Variants in EXOC4 observed in about 807,000 individuals in gnomAD.
EXOC4 encodes the protein exocyst complex component 4, also known as SEC8-like 1.
In EXOC4, 71 loss-of-function variants were observed where a neutral mutation model predicts 107.2. The observed-to-expected ratio is 0.66, with a 90% CI of 0.55 to 0.81. The LOEUF is 0.81. EXOC4 is among the 30% of genes least tolerant of loss of function. The pLI is 0.00. For missense variants in EXOC4, 1,108 were observed against 1,189.6 expected (o/e 0.93, Z 1.01); for synonymous variants, 456 against 441.2 (o/e 1.03, Z -0.42).
chr7:133,942,014 C>G (rs982753749), intron 14 of EXOC4, among the ~76,000 whole-genome samples: 3 of 152,024 alleles, frequency 2.0e-5, no homozygotes, highest in Non-Finnish European at 2.9e-5. Flanking sequence ...AATATATGAC[C>G]TACATAAAAA....
chr7:133,633,962 C>G (rs937909229), intron 10 of EXOC4, among the ~76,000 whole-genome samples: 2 of 152,060 alleles, frequency 1.3e-5, no homozygotes, highest in Non-Finnish European at 2.9e-5. Context: ...GTTCTATGCA[C>G]TTCATTTATT....
intron 11 of EXOC4, among the ~76,000 whole-genome samples, chr7:133,839,151 G>A (rs139585904): frequency 6.6e-6 from 1 of 152,280 alleles, no homozygotes; most frequent in Non-Finnish European, 1.5e-5. Context: ...TAATGGCTTA[G>A]CTCTATTGTG....
chr7:133,919,561 T>C (rs1799891770), intron 13 of EXOC4, among the ~76,000 whole-genome samples: 1 of 152,190 alleles, frequency 6.6e-6, no homozygotes, highest in Non-Finnish European at 1.5e-5. Context: ...CCTGAACCCC[T>C]GGCAACCACT....
In EXOC4 at chr7:133,658,053, C is replaced by A. The variant is rs536448111; in HGVS notation, c.1514+27912C>A. On this transcript the variant is annotated intron_variant, in intron 10 of 17. Coordinates refer to ENST00000253861, the MANE Select transcript of EXOC4 (RefSeq NM_021807.4). ...GAGTAATCTAACTCTACCTTTAGGG[C>A]AGGGAAATCCTCCTAAAATAGGAGA... is the stretch of plus-strand genomic sequence containing the variant. Among the ~76,000 whole-genome samples the A allele has an allele frequency of 3.3e-5, 5 of 152,194 alleles. No homozygotes were observed. In the East Asian group the frequency reaches 9.7e-4, roughly 29 times the overall value.
At chr7:133,705,460 A>G (rs1185384557) in intron 10 of EXOC4, among the ~76,000 whole-genome samples, 1 of 152,210 alleles carries the variant, frequency 6.6e-6, no homozygotes, top group Admixed American at 6.5e-5. Context: ...TCTAGTAGAA[A>G]CTATAGTTAC....
intron 17 of EXOC4, among the ~76,000 whole-genome samples, chr7:134,023,011 TTAA>T (rs1221794782): frequency 6.6e-6 from 1 of 152,234 alleles, no homozygotes; most frequent in African/African-American, 2.4e-5. Context: ...CCATTCGATG[TTAA>T]CCTCTTTCTT....
chr7:133,543,708 T>C lies in EXOC4; in HGVS notation c.1417+63570T>C, dbSNP rs979661831. Among the ~76,000 whole-genome samples the C allele has an allele frequency of 4.8e-5, 6 of 125,592 alleles. No homozygotes were observed. In the East Asian group the frequency reaches 1.5e-3, roughly 31 times the overall value. 82.4% of individuals were successfully genotyped at this position (125,592 alleles called of 152,430 possible). On this transcript the variant is annotated intron_variant, in intron 9 of 17. Coordinates refer to ENST00000253861, the MANE Select transcript of EXOC4 (RefSeq NM_021807.4). ...GTGTGAGATTATAAAACGAACCTGC[T>C]GCTAGAAGTGTGCTTGTCACTTCTC...
rs180834343 is a variant in EXOC4, at chr7:133,330,253, A to G, written c.763+12863A>G. On this transcript the variant is annotated intron_variant, in intron 5 of 17. Transcript: ENST00000253861. ...AAAACCTCCTATTCAAGCCTCAGCA[A>G]TGGCAGACGCCCCTCCCCCCACCAA... is the stretch of plus-strand genomic sequence containing the variant. Among the ~76,000 whole-genome samples the G allele has an allele frequency of 3.5e-3, 532 of 152,174 alleles. 3 individuals are homozygous for G. Among genetic ancestry groups the G allele is most frequent in the Middle Eastern group, 6.8e-3 (2 of 294 alleles).
chr7:133,603,581 G>A (rs148150638), intron 9 of EXOC4, among the ~76,000 whole-genome samples: 134 of 152,278 alleles, frequency 8.8e-4, no homozygotes, highest in African/African-American at 3.1e-3. Flanking sequence ...TGTACTACAT[G>A]CACAACGTGT....
intron 10 of EXOC4, among the ~76,000 whole-genome samples, chr7:133,722,066 C>T (rs1795114969): frequency 6.6e-6 from 1 of 152,134 alleles, no homozygotes; most frequent in African/African-American, 2.4e-5. Flanking sequence ...AAGTTATATA[C>T]CTGATGCAAT....
chr7:133,539,527 A>G (rs951866023), intron 9 of EXOC4, among the ~76,000 whole-genome samples: 48 of 151,506 alleles, frequency 3.2e-4, no homozygotes, highest in African/African-American at 1.1e-3. Flanking sequence ...ATTCTCTTCC[A>G]TGTTGATTTA....
At chr7:133,381,718 C>T (rs1796622702) in intron 7 of EXOC4, among the ~76,000 whole-genome samples, 1 of 152,114 alleles carries the variant, frequency 6.6e-6, no homozygotes, top group African/African-American at 2.4e-5. Flanking sequence ...ACACATTTGA[C>T]TTATCTAGGG....
rs1563107458 is a variant in EXOC4 at position 133,558,221 on chromosome 7, CTT to C, written c.1418-71821_1418-71820del. Among the ~76,000 whole-genome samples, 82 of 99,702 alleles carry C rather than the reference CTT, an allele frequency of 8.2e-4. 1 individual carries two copies. The East Asian group carries it at 0.017, about 21-fold the overall frequency. 65.4% of individuals were successfully genotyped at this position (99,702 alleles called of 152,430 possible). ...CTTTTCTTTTCTTTTCTTTTCTTTT[CTT>C]TTCTTTTCTTTTCTTTTCTTTTCTT... is the stretch of plus-strand genomic sequence containing the variant. On this transcript the variant is annotated intron_variant, in intron 9 of 17. Coordinates refer to ENST00000253861, the MANE Select transcript of EXOC4 (RefSeq NM_021807.4).
chr7:133,765,976 T>G (rs1796127015), intron 10 of EXOC4, among the ~76,000 whole-genome samples: 1 of 151,972 alleles, frequency 6.6e-6, no homozygotes, highest in Non-Finnish European at 1.5e-5. Flanking sequence ...GAGATAGAGC[T>G]CCATAAAACG....
intron 5 of EXOC4, among the ~76,000 whole-genome samples, chr7:133,332,102 G>A (rs1043621231): frequency 2.0e-5 from 3 of 152,146 alleles, no homozygotes; most frequent in African/African-American, 7.2e-5. Context: ...GTTACTCCCA[G>A]GGAACACAGG....
chr7:133,313,150 T>A (rs1794913799), intron 4 of EXOC4, among the ~76,000 whole-genome samples: 1 of 151,598 alleles, frequency 6.6e-6, no homozygotes, highest in Non-Finnish European at 1.5e-5. Context: ...TTGTTTTTTT[T>A]TTTTTTCCCT....
chr7:133,307,673 G>A (rs117451970), intron 4 of EXOC4, among the ~76,000 whole-genome samples: 1,869 of 152,330 alleles, frequency 0.012, 17 homozygotes, highest in Non-Finnish European at 0.02. Context: ...TGGGAGAGGA[G>A]TATTTCCTAC....
intron 10 of EXOC4, among the ~76,000 whole-genome samples, chr7:133,657,651 G>A (rs759397327): frequency 1.3e-5 from 2 of 152,140 alleles, no homozygotes; most frequent in Non-Finnish European, 2.9e-5. Context: ...TGGTTACGAA[G>A]GCTGTGTGGA....
At chr7:133,346,590 A>G (rs1416236685) in intron 5 of EXOC4, among the ~76,000 whole-genome samples, 1 of 152,192 alleles carries the variant, frequency 6.6e-6, no homozygotes. Context: ...GAATATTGTC[A>G]GTATTCTCAG....
Sources: allele counts gnomAD v4.1 joint callset (sites outside exome capture counted in the v4.1 genomes callset), GRCh38; gene constraint gnomAD v4.1.1; transcripts MANE v1.5; gene names NCBI Gene and HGNC (gene_info 2026-07-23, HGNC 2026-07-21).